Variants in SETDB1 observed in about 807,000 individuals in gnomAD.
The protein encoded by SETDB1 is histone-lysine N-methyltransferase SETDB1.
A neutral mutation model predicts 137.4 loss-of-function variants in SETDB1; 31 were observed. The ratio of observed to expected loss-of-function variants is 0.23; its 90% CI spans 0.17 to 0.30. SETDB1 has a LOEUF of 0.30. SETDB1 is among the 10% of genes least tolerant of loss of function. SETDB1 has a pLI of 1.00. For missense variants in SETDB1, 1,113 were observed against 1,631.5 expected (o/e 0.68, Z 5.47); for synonymous variants, 548 against 579.9 (o/e 0.95, Z 0.79).
intron 14 of SETDB1, among the ~76,000 whole-genome samples, chr1:150,953,689 C>T (rs933351545): frequency 2.0e-5 from 3 of 151,624 alleles, no homozygotes; most frequent in African/African-American, 4.8e-5. Flanking sequence ...ATTAGCCAGG[C>T]GTGATTGTGC....
intron 5 of SETDB1, among the ~76,000 whole-genome samples, 167 bp from the exon 6 acceptor site, chr1:150,942,396 C>G (rs891509793): frequency 6.8e-6 from 1 of 147,754 alleles, no homozygotes; most frequent in Non-Finnish European, 1.5e-5. Flanking sequence ...TCCAGTGAGC[C>G]AAGATCGCAC....
chr1:150,945,630 G>C (rs752482955), intron 9 of SETDB1, among the ~76,000 whole-genome samples: 10 of 152,148 alleles, frequency 6.6e-5, no homozygotes, highest in Non-Finnish European at 1.5e-4. Context: ...TGTGCCCAGA[G>C]TAGCCAGAAG....
At position 150,945,186 on chromosome 1, in the gene SETDB1, A is replaced by G. The variant is rs745344323; in HGVS notation, c.1140+78A>G. On this transcript the variant is annotated intron_variant, in intron 9 of 21. Transcript: ENST00000692827. ...AAGAAGCAGTAATGAGGATGGTTTTATAGCTATTCCATAGCCTTCCTCTTT... is the reference window on the plus strand; with the variant it reads ...AAGAAGCAGTAATGAGGATGGTTTTGTAGCTATTCCATAGCCTTCCTCTTT... 3.8e-6 allele frequency: 6 copies of G among 1,585,744 alleles called. No individual in the cohort carries two copies. The East Asian group carries it at 9.1e-5, about 24-fold the overall frequency.
chr1:150,949,090 C>G, intron 10 of SETDB1, 32 bp from the exon 11 acceptor site: 1 of 1,596,056 alleles, frequency 6.3e-7, no homozygotes, highest in South Asian at 1.1e-5. Context: ...TAGCTATCAT[C>G]TTCTCAGTGC....
Position 150,961,100 on chromosome 1 carries a change from G to C in SETDB1, c.3041G>C (p.Arg1014Pro). 6.2e-7 allele frequency: 1 copy of C among 1,613,782 alleles called. No individual in the cohort carries two copies. Among genetic ancestry groups the C allele is most frequent in the Non-Finnish European group, 8.5e-7 (1 of 1,179,788 alleles). Residue 1014 changes from arginine (R) to proline (P), a missense_variant, in exon 16 of 22, where the codon CGG becomes CCG. Arg to Pro is a moderately radical substitution (Grantham distance 103, BLOSUM62 -2). Transcript: ENST00000692827. ...SFKTNEGGEG[R>P]AGGSRMEAEK... Reference sequence around the variant, plus strand: ...AAGACTAATGAAGGTGGGGAGGGCCGGGCTGGGGGAAGCCGAATGGAGGCT... The same window carrying C: ...AAGACTAATGAAGGTGGGGAGGGCCCGGCTGGGGGAAGCCGAATGGAGGCT...
intron 13 of SETDB1, 80 bp downstream of exon 13, chr1:150,951,170 C>G: frequency 6.9e-7 from 1 of 1,445,026 alleles, no homozygotes; most frequent in Non-Finnish European, 9.5e-7. Flanking sequence ...TGCCTTGTAT[C>G]TGTACTGCTT....
intron 3 of SETDB1, among the ~76,000 whole-genome samples, chr1:150,935,882 T>C (rs1669930876): frequency 6.6e-6 from 1 of 152,212 alleles, no homozygotes; most frequent in Admixed American, 6.5e-5. Context: ...GGTCACACTT[T>C]CATGTTTCTT....
At position 150,949,528 on chromosome 1, in the gene SETDB1, G is replaced by A; in HGVS notation, c.1583+3G>A. 3 of 1,613,532 alleles carry A rather than the reference G, an allele frequency of 1.9e-6. No homozygotes were observed. The highest frequency in any genetic ancestry group is 2.2e-5 in the South Asian group (2 of 90,994). Reference sequence around the variant, plus strand: ...CCTGGGATCAACCAGACATATAGGTGAGAAAATCTGAGGCTCTCTGTAGGC... The same window carrying A: ...CCTGGGATCAACCAGACATATAGGTAAGAAAATCTGAGGCTCTCTGTAGGC... On this transcript the variant is annotated splice_donor_region_variant and intron_variant, in intron 12 of 21. Coordinates refer to ENST00000692827, the MANE Select transcript of SETDB1 (RefSeq NM_001366418.1).
chr1:150,941,176 T>A (rs1670138492), intron 4 of SETDB1, among the ~76,000 whole-genome samples, 153 bp from the exon 5 acceptor site: 1 of 151,760 alleles, frequency 6.6e-6, no homozygotes, highest in Non-Finnish European at 1.5e-5. Flanking sequence ...AAAAAAAGAG[T>A]AAGGGCAGCT....
chr1:150,930,139 A>C (rs1669678322), intron 3 of SETDB1, 21 bp downstream of exon 3: 2 of 1,602,616 alleles, frequency 1.2e-6, no homozygotes. Context: ...AGCTTTGGAT[A>C]GGAGAGTCTC....
chr1:150,961,918 GCAT>G (rs1670836839), intron 16 of SETDB1: 1 of 654,292 alleles, frequency 1.5e-6, no homozygotes, highest in South Asian at 1.8e-5. Flanking sequence ...TTTTCCATGA[GCAT>G]TAAGCCCCAT....
chr1:150,955,966 C>A (rs1009157559), intron 14 of SETDB1, among the ~76,000 whole-genome samples: 8 of 151,912 alleles, frequency 5.3e-5, no homozygotes, highest in African/African-American at 1.9e-4. Flanking sequence ...GTGGCACATG[C>A]CTGTAGTGCT....
intron 12 of SETDB1, among the ~76,000 whole-genome samples, 175 bp from the exon 13 acceptor site, chr1:150,950,283 G>C (rs1247078854): frequency 6.6e-6 from 1 of 152,086 alleles, no homozygotes; most frequent in Non-Finnish European, 1.5e-5. Context: ...AGAGTAACCA[G>C]GGAGTTTCAT....
At chr1:150,945,704 C>T (rs1670300686) in intron 9 of SETDB1, among the ~76,000 whole-genome samples, 1 of 152,056 alleles carries the variant, frequency 6.6e-6, no homozygotes, top group African/African-American at 2.4e-5. Flanking sequence ...CCTTATGATC[C>T]TTATCATGCT....
At chr1:150,932,913 G>A (rs907404422) in intron 3 of SETDB1, among the ~76,000 whole-genome samples, 2 of 151,792 alleles carry the variant, frequency 1.3e-5, no homozygotes, top group Admixed American at 6.6e-5. Flanking sequence ...CATTAAACTT[G>A]GCATCATTTT....
intron 3 of SETDB1, among the ~76,000 whole-genome samples, chr1:150,939,048 C>T (rs1021954691): frequency 3.3e-5 from 5 of 151,866 alleles, no homozygotes; most frequent in Non-Finnish European, 7.4e-5. Flanking sequence ...AAGCGATTTT[C>T]TTGCCTCAGC....
intron 14 of SETDB1, among the ~76,000 whole-genome samples, chr1:150,957,162 T>C (rs1670667132): frequency 6.7e-6 from 1 of 149,262 alleles, no homozygotes; most frequent in Admixed American, 6.7e-5. Flanking sequence ...TCACCTGAGG[T>C]CAGGAGTTCA....
intron 7 of SETDB1, among the ~76,000 whole-genome samples, chr1:150,943,625 G>A (rs777417249): frequency 3.9e-5 from 6 of 152,164 alleles, no homozygotes; most frequent in South Asian, 2.1e-4. Context: ...GCCATGAGCC[G>A]AGATTGCACC....
At chr1:150,949,604 C>T (rs1270807948) in intron 12 of SETDB1, 79 bp downstream of exon 12, 18 of 1,316,508 alleles carry the variant, frequency 1.4e-5, no homozygotes, top group South Asian at 5.3e-5. Context: ...TGGCTGTAAG[C>T]GAAGGGCTTA....
Sources: allele counts gnomAD v4.1 joint callset (sites outside exome capture counted in the v4.1 genomes callset), GRCh38; gene constraint gnomAD v4.1.1; transcripts MANE v1.5; gene names NCBI Gene and HGNC (gene_info 2026-07-23, HGNC 2026-07-21).